The following COL5A1 variants were observed in gnomAD, a reference collection of about 807,000 sequenced individuals.
COL5A1 encodes collagen alpha-1(V) chain.
Under a neutral mutation model 263.7 loss-of-function variants are expected in COL5A1, and 16 were observed. The observed-to-expected ratio is 0.06, with a 90% CI of 0.04 to 0.09. COL5A1 has a LOEUF of 0.09. Among genes scored for constraint, COL5A1 ranks in the 10% least tolerant of loss-of-function variants. COL5A1 has a pLI of 1.00. For missense variants in COL5A1, 2,036 were observed against 2,540.5 expected (o/e 0.80, Z 4.27); for synonymous variants, 1,012 against 1,004.5 (o/e 1.01, Z -0.14).
At chr9:134,760,324 AC>A (rs1161560920) in intron 18 of COL5A1, among the ~76,000 whole-genome samples, 28 of 59,534 alleles carry the variant, frequency 4.7e-4, no homozygotes, top group African/African-American at 1.2e-3. Context: ...ACATGCACAC[AC>A]CACACATGCA....
intron 4 of COL5A1, among the ~76,000 whole-genome samples, chr9:134,723,266 A>G (rs971162380): frequency 6.6e-6 from 1 of 152,012 alleles, no homozygotes; most frequent in Non-Finnish European, 1.5e-5. Context: ...GAGAGGAAGG[A>G]CCCGGGTTGG....
intron 9 of COL5A1, chr9:134,732,514 G>C: frequency 5.1e-6 from 2 of 394,246 alleles, no homozygotes; most frequent in Middle Eastern, 7.5e-4. Context: ...TGTAAAAGAT[G>C]CGCGCGGCAG....
intron 1 of COL5A1, among the ~76,000 whole-genome samples, chr9:134,668,767 T>C (rs973172453): frequency 6.6e-6 from 1 of 151,658 alleles, no homozygotes; most frequent in African/African-American, 2.4e-5. Context: ...TTGTCCATAC[T>C]CCATGTGTCC....
chr9:134,657,316 G>C (rs1204870124), intron 1 of COL5A1, among the ~76,000 whole-genome samples: 1 of 95,932 alleles, frequency 1.0e-5, no homozygotes, highest in Admixed American at 1.0e-4. Flanking sequence ...TATGGGGGTG[G>C]GGTGTAGGTG....
rs1318725844 is a variant in COL5A1, at chr9:134,761,997, C to T, written c.1989+19C>T. The T allele has an allele frequency of 1.2e-6, 2 of 1,612,064 alleles. No homozygotes were observed. The highest frequency in any genetic ancestry group is 2.2e-5 in the East Asian group (1 of 44,862). On this transcript the variant is annotated intron_variant, in intron 19 of 65. Transcript: ENST00000371817. ...AGAAAGGGTAGGTATTCTGCCGTCC[C>T]TCCGACTGCTCCTGCCTGCCCTACT...
At chr9:134,708,886 C>G (rs1378310954) in intron 4 of COL5A1, 1 of 456,716 alleles carries the variant, frequency 2.2e-6, no homozygotes, top group Non-Finnish European at 4.4e-6. Flanking sequence ...CCTGCCGCTT[C>G]CAGCCCCGGG....
rs1057523091 is a variant in COL5A1 at position 134,642,155 on chromosome 9, G to A, written c.-33G>A. ...TGTGCGTCCCCGCGCGCCTCCGAGC[G>A]CCCCTGTGCGCCCCGGCCCGCGCCC... On this transcript the variant is annotated 5_prime_UTR_variant, in exon 1 of 66. Transcript: ENST00000371817. This position sits in a 1 kb window ranked among gnomAD's most constrained non-coding sequence, Gnocchi z 4.5. 10 of 1,238,668 alleles carry A rather than the reference G, an allele frequency of 8.1e-6. No individual in the cohort carries two copies. The highest frequency in any genetic ancestry group is 8.6e-5 in the Admixed American group (2 of 23,374). The allele number at this position is 1,238,668 out of a possible 1,614,324, so 76.7% of individuals were successfully genotyped here. A position where few individuals can be genotyped will look rare whatever the true frequency, so the allele number is the denominator to read the frequency against.
chr9:134,701,380 C>T (rs1833669410), intron 4 of COL5A1, 47 bp downstream of exon 4: 2 of 1,580,644 alleles, frequency 1.3e-6, no homozygotes, highest in South Asian at 2.3e-5. Context: ...GGGCACTCCT[C>T]CTGTGGAGCC....
rs181042827 is a variant in COL5A1 at position 134,735,363 on chromosome 9, T to C, written c.1390-3111T>C. Among the ~76,000 whole-genome samples, 288 of 152,296 alleles carry C rather than the reference T, an allele frequency of 1.9e-3. 3 individuals are homozygous for C. The highest frequency in any genetic ancestry group is 6.6e-3 in the African/African-American group (274 of 41,556). ...CTTTATGGTAAAAGTGCCTAAAGTG[T>C]ACTCTTTTGGCAAATGACATCTACA... On this transcript the variant is annotated intron_variant, in intron 9 of 65. Transcript: ENST00000371817.
intron 29 of COL5A1, among the ~76,000 whole-genome samples, chr9:134,783,397 T>C (rs975948943): frequency 6.6e-6 from 1 of 152,142 alleles, no homozygotes; most frequent in Admixed American, 6.5e-5. Flanking sequence ...CACGTTCCTG[T>C]AATTAAAGAG....
At position 134,829,009 on chromosome 9, in the gene COL5A1, C is replaced by T. The variant is rs191027594; in HGVS notation, c.5068-967C>T. Among the ~76,000 whole-genome samples, 373 of 152,006 alleles carry T rather than the reference C, an allele frequency of 2.5e-3. 1 individual carries two copies. The highest frequency in any genetic ancestry group is 8.5e-3 in the African/African-American group (349 of 41,282). On this transcript the variant is annotated intron_variant, in intron 63 of 65. Transcript: ENST00000371817. ...CACACCATGCACGCGCACACACACA[C>T]GCACACAGTCTGGTGCCGCAGCAGC...
At chr9:134,703,637 T>G (rs1218912430) in intron 4 of COL5A1, among the ~76,000 whole-genome samples, 1 of 131,862 alleles carries the variant, frequency 7.6e-6, no homozygotes, top group African/African-American at 2.8e-5. Context: ...GTTTTTTTTT[T>G]TTTTTTTTTT....
At chr9:134,711,434 C>T (rs1834039533) in intron 4 of COL5A1, among the ~76,000 whole-genome samples, 1 of 152,112 alleles carries the variant, frequency 6.6e-6, no homozygotes, top group African/African-American at 2.4e-5. Flanking sequence ...CACTTTTCTG[C>T]CAGCACCCTC....
At chr9:134,816,084 C>A in intron 52 of COL5A1, 96 bp downstream of exon 52, 3 of 1,181,730 alleles carry the variant, frequency 2.5e-6, no homozygotes, top group African/African-American at 1.5e-5. Flanking sequence ...AAAACTCCAA[C>A]CTAGTTGATA....
chr9:134,800,925 G>T (rs373904945), intron 37 of COL5A1, among the ~76,000 whole-genome samples: 1 of 152,146 alleles, frequency 6.6e-6, no homozygotes, highest in Admixed American at 6.5e-5. Context: ...CTCCTCCAGC[G>T]TCTAGAGTTT....
chr9:134,770,065 G>A (rs7855580), intron 25 of COL5A1, among the ~76,000 whole-genome samples: 31,607 of 152,156 alleles, frequency 0.21, 3,500 homozygotes, highest in East Asian at 0.36. Context: ...AAATGTGAGC[G>A]TAGGTGGACC....
chr9:134,705,390 A>G (rs944568831), intron 4 of COL5A1, among the ~76,000 whole-genome samples: 7 of 152,180 alleles, frequency 4.6e-5, no homozygotes, highest in Non-Finnish European at 1.0e-4. Context: ...CCAGGCCCTC[A>G]CTGCCTCCCA....
intron 9 of COL5A1, chr9:134,732,516 G>T: frequency 2.7e-6 from 1 of 365,510 alleles, no homozygotes; most frequent in Admixed American, 4.1e-5. Flanking sequence ...TAAAAGATGC[G>T]CGCGGCAGTG....
chr9:134,763,597 G>A (rs530214053), intron 19 of COL5A1, 96 bp from the exon 20 acceptor site: 7 of 1,279,834 alleles, frequency 5.5e-6, no homozygotes, highest in Admixed American at 3.4e-5. Flanking sequence ...ATGTGAAGCA[G>A]CCCCAAGCCA....
Sources: allele counts gnomAD v4.1 joint callset (sites outside exome capture counted in the v4.1 genomes callset), GRCh38; gene constraint gnomAD v4.1.1; non-coding constraint Gnocchi (gnomAD v3.1); transcripts MANE v1.5; gene names NCBI Gene and HGNC (gene_info 2026-07-23, HGNC 2026-07-21).